The following MYOG variants were observed in gnomAD, a reference collection of about 807,000 sequenced individuals.
The protein encoded by MYOG is class C basic helix-loop-helix protein 3.
Under a neutral mutation model 17.7 loss-of-function variants are expected in MYOG, and 6 were observed. The ratio of observed to expected loss-of-function variants is 0.34; its 90% CI spans 0.19 to 0.67. MYOG has a LOEUF of 0.67. MYOG is among the 30% of genes least tolerant of loss of function. The pLI, the probability that MYOG is intolerant of heterozygous loss-of-function variation, is 0.69. For synonymous variants in MYOG, 125 were observed against 130.2 expected (o/e 0.96, Z 0.27); for missense variants, 272 against 302.0 (o/e 0.90, Z 0.74).
rs569978987 is a variant in MYOG, at chr1:203,083,860, C to A, written c.*50G>T. 6.4e-7 allele frequency: 1 copy of A among 1,567,102 alleles called. No homozygotes were observed. Among genetic ancestry groups the A allele is most frequent in the South Asian group, 1.2e-5 (1 of 85,300 alleles). On this transcript the variant is annotated 3_prime_UTR_variant, in exon 3 of 3. Transcript: ENST00000241651. Reference sequence around the variant, plus strand: ...GCCCCTGCTACAGAAGTAGTGGCATCTGTGGCCAGCTTGGGGGGCTCGCAA... The same window carrying A: ...GCCCCTGCTACAGAAGTAGTGGCATATGTGGCCAGCTTGGGGGGCTCGCAA...
At position 203,085,578 on chromosome 1, in the gene MYOG, G is replaced by GTAC; in HGVS notation, c.381_383dup (p.Gln127_Tyr128insTer). ...TGAGCAGGGCCTGGAGGCGCTCGAT[G>GTAC]TACTGGATGGCACTGCGCAGGATCT... On this transcript the variant is annotated stop_gained, in exon 1 of 3. Coordinates refer to ENST00000241651, the MANE Select transcript of MYOG (RefSeq NM_002479.6). LOFTEE classifies it high-confidence loss of function. 6.2e-7 allele frequency: 1 copy of GTAC among 1,614,188 alleles called. No individual in the cohort carries two copies. The highest frequency in any genetic ancestry group is 8.5e-7 in the Non-Finnish European group (1 of 1,180,000).
chr1:203,084,121 G>C, intron 2 of MYOG, 90 bp from the exon 3 acceptor site: 1 of 1,498,084 alleles, frequency 6.7e-7, no homozygotes, highest in Non-Finnish European at 9.0e-7. Flanking sequence ...GGGTGACAGA[G>C]GTTTTCCAGG....
In MYOG at chr1:203,085,830, G is replaced by A. The variant is rs758683910; in HGVS notation, c.132C>T (p.Pro44=). The change falls in exon 1 of 3, where the codon CCC becomes CCT. Residue 44 remains proline (P), a synonymous_variant. Coordinates refer to ENST00000241651, the MANE Select transcript of MYOG (RefSeq NM_002479.6). ...TGTCCTCAAGGGGCCCTGGGGCCTC[G>A]GGGCTCAGGGTGAGCTCCGTCCGCT... ...GYERTELTLS[P]EAPGPLEDKG... 8.1e-6 allele frequency: 13 copies of A among 1,613,852 alleles called. No individual in the cohort carries two copies. The highest frequency in any genetic ancestry group is 1.6e-4 in the Middle Eastern group (1 of 6,084).
Position 203,084,037 on chromosome 1 carries a change from AGGGGAGGT to A in MYOG, c.554-14_554-7del. The A allele has an allele frequency of 6.3e-7, 1 of 1,595,682 alleles. No homozygotes were observed. ...GTCAGCCGTGAGCAGATGATCTGTA[AGGGGAGGT>A]GGGAAGGTGGTACCTGGGTGAGCAG... On this transcript the variant is annotated splice_polypyrimidine_tract_variant and splice_region_variant and intron_variant, in intron 2 of 2. Transcript: ENST00000241651.
chr1:203,085,532 G>T lies in MYOG; in HGVS notation c.430C>A (p.Arg144Ser). The T allele has an allele frequency of 1.9e-6, 3 of 1,614,000 alleles. No homozygotes were observed. The highest frequency in any genetic ancestry group is 2.2e-5 in the South Asian group (2 of 91,080). ...ALLSSLNQEE[R>S]DLRYRGGGGP... is the part of the protein sequence containing the mutation. Reference sequence around the variant, plus strand: ...CCCCCGCCCCGGTAGCGGAGGTCACGCTCCTCCTGGTTGAGGGAGCTGAGC... The same window carrying T: ...CCCCCGCCCCGGTAGCGGAGGTCACTCTCCTCCTGGTTGAGGGAGCTGAGC... The change falls in exon 1 of 3, where the codon CGT (arginine) becomes AGT (serine). Residue 144 changes from arginine to serine, a missense_variant. Arg to Ser is a moderately radical substitution (Grantham distance 110). Transcript: ENST00000241651.
Position 203,083,881 on chromosome 1 carries a change from C to G in MYOG, c.*29G>C. 6.3e-7 allele frequency: 1 copy of G among 1,577,534 alleles called. No homozygotes were observed. The highest frequency in any genetic ancestry group is 2.3e-5 in the East Asian group (1 of 43,818). On this transcript the variant is annotated 3_prime_UTR_variant, in exon 3 of 3. Coordinates refer to ENST00000241651, the MANE Select transcript of MYOG (RefSeq NM_002479.6). ...GCATCTGTGGCCAGCTTGGGGGGCT[C>G]GCAAGGATGCCCGGCTTGGAAGACA... is the stretch of plus-strand genomic sequence containing the variant.
At position 203,083,506 on chromosome 1, in the gene MYOG, A is replaced by G. The variant is rs1368783530; in HGVS notation, c.*404T>C. 6 of 435,206 alleles carry G rather than the reference A, an allele frequency of 1.4e-5. No homozygotes were observed. The highest frequency in any genetic ancestry group is 3.9e-5 in the African/African-American group (2 of 50,944). The allele number at this position is 435,206 out of a possible 1,614,324, so 27.0% of individuals were successfully genotyped here. A position where few individuals can be genotyped will look rare whatever the true frequency, so the allele number is the denominator to read the frequency against. On this transcript the variant is annotated 3_prime_UTR_variant, in exon 3 of 3. Coordinates refer to ENST00000241651, the MANE Select transcript of MYOG (RefSeq NM_002479.6). Reference sequence around the variant, plus strand: ...CAGCCACTGGCATCGGGAAGAGACCAGAACAGGAGACGTGCACAGCTTGTC... The same window carrying G: ...CAGCCACTGGCATCGGGAAGAGACCGGAACAGGAGACGTGCACAGCTTGTC...
At chr1:203,084,625 T>TTACC (rs751023804) in intron 2 of MYOG, 22 bp downstream of exon 2, 2 of 1,598,354 alleles carry the variant, frequency 1.3e-6, no homozygotes, top group Non-Finnish European at 1.7e-6. Flanking sequence ...GGAGCCAAGG[T>TTACC]TACCAGTCAG....
rs1044302313 is a variant in MYOG at position 203,084,649 on chromosome 1, C to A, written c.551G>T (p.Gly184Val). The change falls in exon 2 of 3, where the codon GGG (glycine) becomes GTG (valine). Residue 184 changes from glycine (G) to valine (V), a missense_variant and splice_region_variant. Coordinates refer to ENST00000241651, the MANE Select transcript of MYOG (RefSeq NM_002479.6). ...GTTACCAGTCAGGCCTTACTTACCC[C>A]CTGGGTTGGCGCTGAACTCCAGTGC... The part of the protein sequence containing the change: ...GSALEFSANP[G>V]DHLLTADPTD... 2 of 1,609,856 alleles carry A rather than the reference C, an allele frequency of 1.2e-6. No homozygotes were observed. The highest frequency in any genetic ancestry group is 1.7e-6 in the Non-Finnish European group (2 of 1,178,070).
At position 203,083,970 on chromosome 1, in the gene MYOG, C is replaced by T. The variant is rs770659018; in HGVS notation, c.615G>A (p.Val205=). ...AHNLHSLTSI[V]DSITVEDVSV... is the part of the protein sequence containing the mutation. The stretch of plus-strand genomic sequence containing the variant: ...ACACATCTTCCACTGTGATGCTGTC[C>T]ACGATGGAGGTGAGGGAGTGCAGGT... Residue 205 remains valine, a synonymous_variant, in exon 3 of 3, where the codon GTG becomes GTA. Coordinates refer to ENST00000241651, the MANE Select transcript of MYOG (RefSeq NM_002479.6). 3 of 1,592,684 alleles carry T rather than the reference C, an allele frequency of 1.9e-6. No homozygotes were observed. Among genetic ancestry groups the T allele is most frequent in the Admixed American group, 1.8e-5 (1 of 56,546 alleles).
In MYOG at chr1:203,085,859, A is replaced by G; in HGVS notation, c.103T>C (p.Tyr35His). ...CTCAGGGTGAGCTCCGTCCGCTCGTAGCCTGGTGGTTCGAAGCCCTGGAGG... is the reference window on the plus strand; with the variant it reads ...CTCAGGGTGAGCTCCGTCCGCTCGTGGCCTGGTGGTTCGAAGCCCTGGAGG... ...VHLQGFEPPG[Y>H]ERTELTLSPE... Residue 35 changes from tyrosine to histidine, a missense_variant, in exon 1 of 3, where the codon TAC becomes CAC. Tyr to His is a moderately conservative substitution (Grantham distance 83, BLOSUM62 2). Coordinates refer to ENST00000241651, the MANE Select transcript of MYOG (RefSeq NM_002479.6). The G allele has an allele frequency of 1.9e-6, 3 of 1,613,818 alleles. No individual in the cohort carries two copies. Among genetic ancestry groups the G allele is most frequent in the Non-Finnish European group, 2.5e-6 (3 of 1,179,948 alleles).
Position 203,085,817 on chromosome 1 carries a change from G to C in MYOG, c.145C>G (p.Pro49Ala), listed in dbSNP as rs767419890. The C allele has an allele frequency of 4.3e-6, 7 of 1,613,848 alleles. No individual in the cohort carries two copies. In the East Asian group the frequency reaches 1.3e-4, roughly 31 times the overall value. Residue 49 changes from proline to alanine, a missense_variant, in exon 1 of 3, where the codon CCC becomes GCC. By Grantham distance (27) the Pro-to-Ala change is conservative (BLOSUM62 -1). Coordinates refer to ENST00000241651, the MANE Select transcript of MYOG (RefSeq NM_002479.6). ...ELTLSPEAPGPLEDKGLGTPE... is the reference protein window; with the variant it reads ...ELTLSPEAPGALEDKGLGTPE... ...GTCCCCAGCCCCTTGTCCTCAAGGGGCCCTGGGGCCTCGGGGCTCAGGGTG... is the reference window on the plus strand; with the variant it reads ...GTCCCCAGCCCCTTGTCCTCAAGGGCCCCTGGGGCCTCGGGGCTCAGGGTG...
At position 203,083,879 on chromosome 1, in the gene MYOG, C is replaced by T; in HGVS notation, c.*31G>A. On this transcript the variant is annotated 3_prime_UTR_variant, in exon 3 of 3. Transcript: ENST00000241651. The stretch of plus-strand genomic sequence containing the variant: ...TGGCATCTGTGGCCAGCTTGGGGGG[C>T]TCGCAAGGATGCCCGGCTTGGAAGA... 1 of 1,576,684 alleles carries T rather than the reference C, an allele frequency of 6.3e-7. No homozygotes were observed. Among genetic ancestry groups the T allele is most frequent in the South Asian group, 1.2e-5 (1 of 86,106 alleles).
Position 203,084,742 on chromosome 1 carries a change from C to A in MYOG, c.472-14G>T. On this transcript the variant is annotated splice_polypyrimidine_tract_variant and intron_variant, in intron 1 of 2. Coordinates refer to ENST00000241651, the MANE Select transcript of MYOG (RefSeq NM_002479.6). Reference sequence around the variant, plus strand: ...TTCGCTGGGCACCTGCAAGACAGGGCGAAGGCCCAAGGTCGGGGCACAGCC... The same window carrying A: ...TTCGCTGGGCACCTGCAAGACAGGGAGAAGGCCCAAGGTCGGGGCACAGCC... 1 of 1,599,762 alleles carries A rather than the reference C, an allele frequency of 6.3e-7. No individual in the cohort carries two copies. The highest frequency in any genetic ancestry group is 1.7e-5 in the Admixed American group (1 of 58,320).
chr1:203,084,548 G>A (rs1406409546), intron 2 of MYOG, 99 bp downstream of exon 2: 3 of 1,122,420 alleles, frequency 2.7e-6, no homozygotes, highest in Non-Finnish European at 3.9e-6. Context: ...GAGACCCAAG[G>A]GAAGAGGACC....
Position 203,083,620 on chromosome 1 carries a change from G to GC in MYOG, c.*289dup. ...TGATAAAAAGGAAGCTCCTGAGTTTGCCCCCTGAGCTGGGGCATACACGAG... is the reference window on the plus strand; with the variant it reads ...TGATAAAAAGGAAGCTCCTGAGTTTGCCCCCCTGAGCTGGGGCATACACGAG... On this transcript the variant is annotated 3_prime_UTR_variant, in exon 3 of 3. Coordinates refer to ENST00000241651, the MANE Select transcript of MYOG (RefSeq NM_002479.6). The GC allele has an allele frequency of 1.8e-6, 1 of 541,682 alleles. No individual in the cohort carries two copies. 33.6% of individuals were successfully genotyped at this position (541,682 alleles called of 1,614,324 possible).
rs1231044958 is a variant in MYOG at position 203,085,482 on chromosome 1, G to T, written c.471+9C>A. 1.2e-6 allele frequency: 2 copies of T among 1,605,864 alleles called. No homozygotes were observed. The highest frequency in any genetic ancestry group is 8.5e-7 in the Non-Finnish European group (1 of 1,175,350). ...CCCCTTGGGGCAGGGGGATGGGATG[G>T]CCACTTACCCCTGGCTGGGGCCCGC... On this transcript the variant is annotated intron_variant, in intron 1 of 2. Transcript: ENST00000241651.
chr1:203,084,335 C>T (rs971192183), intron 2 of MYOG, among the ~76,000 whole-genome samples: 12 of 151,928 alleles, frequency 7.9e-5, no homozygotes, highest in Non-Finnish European at 1.3e-4. Context: ...GCCCTTTGCT[C>T]GGCCCAGTTT....
chr1:203,084,554 G>C (rs998745798), intron 2 of MYOG, 93 bp downstream of exon 2: 63 of 1,162,170 alleles, frequency 5.4e-5, no homozygotes, highest in Non-Finnish European at 7.5e-5. Flanking sequence ...CAAGGGAAGA[G>C]GACCGGAGCA....
Sources: gnomAD v4.1 joint callset for allele counts (sites outside exome capture counted in the v4.1 genomes callset) on GRCh38, gnomAD v4.1.1 for gene constraint, MANE v1.5 for transcripts, NCBI Gene and HGNC (gene_info 2026-07-23, HGNC 2026-07-21) for gene names.